Variants in TRMT11 observed in about 807,000 individuals in gnomAD.
TRMT11 encodes the protein tRNA methyltransferase 11.
A neutral mutation model predicts 62.8 loss-of-function variants in TRMT11; 53 were observed. That is an observed-to-expected ratio of 0.84 (90% CI 0.68 to 1.06). TRMT11 has a LOEUF of 1.06. TRMT11 is among the 50% of genes least tolerant of loss of function. The pLI is 0.00. For synonymous variants in TRMT11, 188 were observed against 190.3 expected (o/e 0.99, Z 0.10); for missense variants, 556 against 553.4 (o/e 1.00, Z -0.05).
chr6:125,997,843 A>G (rs573699898), intron 3 of TRMT11, among the ~76,000 whole-genome samples: 12 of 152,324 alleles, frequency 7.9e-5, no homozygotes, highest in Non-Finnish European at 1.3e-4. Context: ...TTTGGTCATT[A>G]GTCTTTTTGT....
At chr6:126,084,181 A>G (rs1777188898) in intron 17 of TRMT11, among the ~76,000 whole-genome samples, 1 of 152,116 alleles carries the variant, frequency 6.6e-6, no homozygotes, top group Non-Finnish European at 1.5e-5. Context: ...GTTTTCCATA[A>G]TGACTGTACC....
chr6:126,227,353 C>A, the TRMT11 span, among the ~76,000 whole-genome samples: 1 of 152,066 alleles, frequency 6.6e-6, no homozygotes, highest in Admixed American at 6.5e-5. Flanking sequence ...CTGTCAATAC[C>A]TTGGTATTCC....
intron 16 of TRMT11, among the ~76,000 whole-genome samples, chr6:126,045,828 G>A (rs534431708): frequency 2.4e-4 from 37 of 152,190 alleles, no homozygotes; most frequent in African/African-American, 8.7e-4. Context: ...GGCAACAAGT[G>A]GGCTATTTTA....
intron 16 of TRMT11, among the ~76,000 whole-genome samples, chr6:126,050,188 G>A (rs1239337313): frequency 6.6e-6 from 1 of 151,980 alleles, no homozygotes; most frequent in Non-Finnish European, 1.5e-5. Flanking sequence ...AAATTAGCTG[G>A]GCGTGGTGGC....
chr6:126,054,884 C>T (rs1776324211), intron 17 of TRMT11, among the ~76,000 whole-genome samples: 1 of 152,214 alleles, frequency 6.6e-6, no homozygotes, highest in Non-Finnish European at 1.5e-5. Flanking sequence ...GCTCAGAACT[C>T]CCAACACGTC....
intron 9 of TRMT11, among the ~76,000 whole-genome samples, chr6:126,012,275 G>A (rs73592134): frequency 2.0e-5 from 3 of 149,366 alleles, no homozygotes; most frequent in Admixed American, 6.6e-5. Flanking sequence ...TTTTTTTTCC[G>A]ATCAACTTGA....
intron 17 of TRMT11, among the ~76,000 whole-genome samples, chr6:126,095,068 C>T (rs1409769736): frequency 1.3e-5 from 2 of 152,178 alleles, no homozygotes; most frequent in East Asian, 3.8e-4. Context: ...GAGATTATTT[C>T]TTCAAGGTCA....
intron 21 of TRMT11, among the ~76,000 whole-genome samples, chr6:126,123,440 A>T (rs1262338781): frequency 2.6e-5 from 4 of 152,064 alleles, no homozygotes; most frequent in African/African-American, 9.7e-5. Flanking sequence ...GTGAGTAAGG[A>T]CAGACTTGAA....
At chr6:126,118,913 TA>T (rs1261187551) in intron 21 of TRMT11, among the ~76,000 whole-genome samples, 1 of 152,126 alleles carries the variant, frequency 6.6e-6, no homozygotes, top group African/African-American at 2.4e-5. Flanking sequence ...TATTTATTAA[TA>T]AGCAGAATGA....
chr6:126,025,334 A>G (rs1772853298), intron 12 of TRMT11, among the ~76,000 whole-genome samples: 1 of 152,138 alleles, frequency 6.6e-6, no homozygotes, highest in African/African-American at 2.4e-5. Flanking sequence ...ATGATAAATG[A>G]GGGTACTCAC....
At chr6:126,245,089 C>G in the TRMT11 span, among the ~76,000 whole-genome samples, 4 of 152,030 alleles carry the variant, frequency 2.6e-5, no homozygotes, top group African/African-American at 7.2e-5. Context: ...CCCCATTTGT[C>G]TTCAGTTTCT....
At chr6:126,154,645 A>G (rs574801247) in intron 21 of TRMT11, among the ~76,000 whole-genome samples, 1 of 152,200 alleles carries the variant, frequency 6.6e-6, no homozygotes, top group Non-Finnish European at 1.5e-5. Context: ...AAGCCCGGCC[A>G]CTTCTCAGTA....
chr6:126,000,097 G>A (rs925975294), intron 7 of TRMT11, among the ~76,000 whole-genome samples: 3 of 152,126 alleles, frequency 2.0e-5, no homozygotes, highest in African/African-American at 7.2e-5. Context: ...TTATAAGTAA[G>A]TGTGAAATAA....
chr6:126,260,755 C>T, the TRMT11 span, among the ~76,000 whole-genome samples: 1 of 152,188 alleles, frequency 6.6e-6, no homozygotes, highest in Non-Finnish European at 1.5e-5. Context: ...ATCATTCACT[C>T]TCTTGGCCTG....
intron 21 of TRMT11, among the ~76,000 whole-genome samples, chr6:126,151,944 T>TTTCTTTC (rs368793532): frequency 5.5e-3 from 59 of 10,722 alleles, no homozygotes; most frequent in Middle Eastern, 0.1. Context: ...TCTTTCTTTC[T>TTTCTTTC]TTTCTTTCTT....
intron 11 of TRMT11, among the ~76,000 whole-genome samples, chr6:126,020,636 T>C (rs1365802866): frequency 6.6e-6 from 1 of 152,266 alleles, no homozygotes; most frequent in Non-Finnish European, 1.5e-5. Context: ...TACAAATAAC[T>C]TTAGTTCTGT....
intron 21 of TRMT11, among the ~76,000 whole-genome samples, chr6:126,165,397 A>C (rs1275996702): frequency 6.6e-6 from 1 of 152,008 alleles, no homozygotes. Context: ...ACATTTCAGT[A>C]TGTTTTTGCA....
intron 17 of TRMT11, among the ~76,000 whole-genome samples, chr6:126,083,736 A>G (rs1247718781): frequency 1.3e-5 from 2 of 152,140 alleles, no homozygotes; most frequent in South Asian, 2.1e-4. Context: ...CGTCATACAT[A>G]TCTGCTACTC....
At chr6:126,067,157 G>A (rs554677175) in intron 17 of TRMT11, among the ~76,000 whole-genome samples, 5 of 149,922 alleles carry the variant, frequency 3.3e-5, no homozygotes, top group Non-Finnish European at 7.4e-5. Flanking sequence ...CCGAGACTGT[G>A]CCATTGCACT....
Sources: gnomAD v4.1 joint callset for allele counts (sites outside exome capture counted in the v4.1 genomes callset) on GRCh38, gnomAD v4.1.1 for gene constraint, MANE v1.5 for transcripts, NCBI Gene and HGNC (gene_info 2026-07-23, HGNC 2026-07-21) for gene names.